Variants in CERKL observed in about 807,000 individuals in gnomAD.
CERKL encodes ceramide kinase-like protein.
CERKL carries 61 observed loss-of-function variants against 63.4 expected under a neutral mutation model. The observed-to-expected ratio is 0.96, with a 90% CI of 0.78 to 1.19. The LOEUF (loss-of-function observed/expected upper bound fraction) is 1.19, where lower values mean the gene tolerates loss of function less well. Among genes scored for constraint, CERKL ranks in the 50% most tolerant of loss-of-function variants. The pLI, the probability that CERKL is intolerant of heterozygous loss-of-function variation, is 0.00. For synonymous variants in CERKL, 250 were observed against 230.5 expected (o/e 1.08, Z -0.77); for missense variants, 675 against 655.5 (o/e 1.03, Z -0.33).
chr2:181,655,200 CA>C (rs1296171959), intron 1 of CERKL, among the ~76,000 whole-genome samples: 1 of 152,190 alleles, frequency 6.6e-6, no homozygotes, highest in African/African-American at 2.4e-5. Flanking sequence ...ACTCTACTGC[CA>C]GGGGTGCACT....
chr2:181,606,563 T>A (rs1332483823), intron 1 of CERKL, among the ~76,000 whole-genome samples: 5 of 6,780 alleles, frequency 7.4e-4, no homozygotes, highest in Non-Finnish European at 1.2e-3. Context: ...GAGGAGAGGG[T>A]AGGGGAGAAG....
At chr2:181,598,562 G>C (rs1393668368) in intron 2 of CERKL, among the ~76,000 whole-genome samples, 1 of 151,998 alleles carries the variant, frequency 6.6e-6, no homozygotes, top group Non-Finnish European at 1.5e-5. Context: ...GCCTAACTGA[G>C]GGCAAGCTGG....
chr2:181,609,080 A>G (rs1225287996), intron 1 of CERKL, among the ~76,000 whole-genome samples: 1 of 152,180 alleles, frequency 6.6e-6, no homozygotes, highest in Non-Finnish European at 1.5e-5. Context: ...CCAAGATTAC[A>G]TATTTTCCAT....
chr2:181,655,136 A>G (rs1226799572), intron 1 of CERKL, among the ~76,000 whole-genome samples: 3 of 152,144 alleles, frequency 2.0e-5, no homozygotes, highest in Admixed American at 6.5e-5. Context: ...TAATTAAACA[A>G]AGAATCAGTA....
intron 2 of CERKL, among the ~76,000 whole-genome samples, chr2:181,598,794 G>T (rs1222513416): frequency 6.6e-6 from 1 of 151,640 alleles, no homozygotes; most frequent in African/African-American, 2.4e-5. Context: ...TCCATAAAGA[G>T]CCTTGGCCCC....
intron 3 of CERKL, among the ~76,000 whole-genome samples, chr2:181,571,371 A>T (rs1688895592): frequency 6.6e-6 from 1 of 152,160 alleles, no homozygotes; most frequent in African/African-American, 2.4e-5. Flanking sequence ...TAATATTTAC[A>T]AATTTAGAGA....
Position 181,537,858 on chromosome 2 carries a change from G to C in CERKL, c.*326C>G, listed in dbSNP as rs1023531859. On this transcript the variant is annotated 3_prime_UTR_variant, in exon 13 of 13. Transcript: ENST00000410087. ...TCAATTTCTATTAGGATATCCGTTT[G>C]GCCACACAGCAGGAGGTTAGAGCAA... 1.9e-6 allele frequency: 1 copy of C among 515,712 alleles called. No individual in the cohort carries two copies. The highest frequency in any genetic ancestry group is 3.7e-6 in the Non-Finnish European group (1 of 267,458). 31.9% of individuals were successfully genotyped at this position (515,712 alleles called of 1,614,324 possible).
chr2:181,567,584 T>C (rs375641074), intron 3 of CERKL, among the ~76,000 whole-genome samples: 32 of 152,016 alleles, frequency 2.1e-4, no homozygotes, highest in Non-Finnish European at 4.1e-4. Flanking sequence ...AAAAGTCCAA[T>C]AAAATCAAAG....
At chr2:181,581,559 A>T (rs1684514440) in intron 2 of CERKL, among the ~76,000 whole-genome samples, 1 of 152,168 alleles carries the variant, frequency 6.6e-6, no homozygotes, top group Non-Finnish European at 1.5e-5. Flanking sequence ...ATTATATAGG[A>T]TGTCATATTA....
chr2:181,625,354 G>C (rs1269272919), intron 1 of CERKL, among the ~76,000 whole-genome samples: 1 of 151,768 alleles, frequency 6.6e-6, no homozygotes, highest in Non-Finnish European at 1.5e-5. Flanking sequence ...AGAAAGTTGG[G>C]GGGTGGGGTG....
At chr2:181,613,696 T>C (rs1233126416) in intron 1 of CERKL, among the ~76,000 whole-genome samples, 1 of 152,226 alleles carries the variant, frequency 6.6e-6, no homozygotes, top group African/African-American at 2.4e-5. Context: ...TGTATAACAA[T>C]AGACAAATGT....
intron 11 of CERKL, 149 bp from the exon 12 acceptor site, chr2:181,539,413 T>G (rs1305919766): frequency 1.2e-5 from 7 of 583,464 alleles, no homozygotes; most frequent in African/African-American, 3.8e-5. Context: ...GATCTCCAAC[T>G]TTTTTTGGAA....
chr2:181,607,791 A>G (rs940929463), intron 1 of CERKL, among the ~76,000 whole-genome samples: 2 of 152,208 alleles, frequency 1.3e-5, no homozygotes, highest in Non-Finnish European at 2.9e-5. Flanking sequence ...ATGATGGACT[A>G]CATGGGAAAT....
intron 2 of CERKL, among the ~76,000 whole-genome samples, chr2:181,578,586 C>T (rs187985001): frequency 3.2e-4 from 49 of 151,956 alleles, no homozygotes; most frequent in Non-Finnish European, 1.2e-4. Flanking sequence ...GTATGAACCA[C>T]CATGTTTGTC....
intron 2 of CERKL, among the ~76,000 whole-genome samples, chr2:181,580,732 T>C (rs1405164380): frequency 7.9e-5 from 12 of 152,198 alleles, no homozygotes; most frequent in Admixed American, 7.9e-4. Context: ...GAACTTGCAT[T>C]GTCAGAATTT....
chr2:181,540,837 C>G (rs1687474162), intron 11 of CERKL, among the ~76,000 whole-genome samples: 1 of 152,066 alleles, frequency 6.6e-6, no homozygotes, highest in East Asian at 1.9e-4. Flanking sequence ...CATGATGGTG[C>G]AAGTGTGGAG....
intron 1 of CERKL, among the ~76,000 whole-genome samples, chr2:181,612,822 A>G (rs1303241491): frequency 6.6e-6 from 1 of 152,202 alleles, no homozygotes; most frequent in East Asian, 1.9e-4. Flanking sequence ...ATATTACAAT[A>G]TAATTGACCA....
At chr2:181,548,653 A>G in intron 7 of CERKL, 27 bp downstream of exon 7, 1 of 1,613,464 alleles carries the variant, frequency 6.2e-7, no homozygotes, top group Non-Finnish European at 8.5e-7. Context: ...CCTGGGATAC[A>G]ATTTTTGGTT....
rs1687861851 is a variant in CERKL at position 181,548,951 on chromosome 2, A to G, written c.896-94T>C. 4 of 1,126,554 alleles carry G rather than the reference A, an allele frequency of 3.6e-6. No individual in the cohort carries two copies. In the South Asian group the frequency reaches 5.1e-5, roughly 15 times the overall value. 69.8% of individuals were successfully genotyped at this position (1,126,554 alleles called of 1,614,324 possible). A position where few individuals can be genotyped will look rare whatever the true frequency, so the allele number is the denominator to read the frequency against. ...GAGCATATTTATTGGCTTATAGGAG[A>G]ATATCTAAAGGTACTGTAGACCATG... is the stretch of plus-strand genomic sequence containing the variant. On this transcript the variant is annotated intron_variant, in intron 6 of 12. Transcript: ENST00000410087.
Sources: gnomAD v4.1 joint callset for allele counts (sites outside exome capture counted in the v4.1 genomes callset) on GRCh38, gnomAD v4.1.1 for gene constraint, MANE v1.5 for transcripts, NCBI Gene and HGNC (gene_info 2026-07-23, HGNC 2026-07-21) for gene names.